The following CSMD2 variants were observed in gnomAD, a reference collection of about 807,000 sequenced individuals.
CSMD2 encodes CUB and Sushi multiple domains 2.
In CSMD2, 130 loss-of-function variants were observed where a neutral mutation model predicts 398.5. That is an observed-to-expected ratio of 0.33 (90% CI 0.28 to 0.38). CSMD2 has a LOEUF of 0.38. Ranked by LOEUF, CSMD2 falls within the 10% of genes least tolerant of loss-of-function variation. CSMD2 has a pLI of 1.00. For synonymous variants in CSMD2, 1,828 were observed against 1,908.5 expected, an observed-to-expected ratio of 0.96 and a Z score of 1.10; for missense variants, 3,829 against 4,764.9, an observed-to-expected ratio of 0.80 and a Z score of 5.78.
chr1:33,725,368 G>A lies in CSMD2; in HGVS notation c.2676C>T (p.Gly892=). ...ACTCACTCTCATAGCGGAGCTGGAA[G>A]CCGATGTCCGAGTGACTCTTGTCGG... ...FSTDKSHSDI[G]FQLRYETITL... The change falls in exon 17 of 71, where the codon GGC becomes GGT. Residue 892 remains glycine (G), a synonymous_variant. Transcript: ENST00000373381. 6.2e-7 allele frequency: 1 copy of A among 1,614,014 alleles called. No individual in the cohort carries two copies. Among genetic ancestry groups the A allele is most frequent in the Non-Finnish European group, 8.5e-7 (1 of 1,179,894 alleles).
intron 3 of CSMD2, among the ~76,000 whole-genome samples, chr1:33,986,773 G>A (rs1248103507): frequency 6.6e-6 from 1 of 152,192 alleles, no homozygotes. Flanking sequence ...GCGTAACTCA[G>A]GGCACTGGGC....
At chr1:34,024,316 C>T (rs1270207206) in intron 3 of CSMD2, among the ~76,000 whole-genome samples, 1 of 152,246 alleles carries the variant, frequency 6.6e-6, no homozygotes, top group Non-Finnish European at 1.5e-5. Context: ...TATCTGCAAG[C>T]AGGCAGCTGC....
intron 5 of CSMD2, among the ~76,000 whole-genome samples, chr1:33,865,260 G>C (rs957271846): frequency 1.6e-4 from 25 of 151,802 alleles, no homozygotes; most frequent in African/African-American, 6.1e-4. Flanking sequence ...TGAGGCCCCA[G>C]GAGAAACATA....
chr1:33,678,318 A>G (rs890975694), intron 25 of CSMD2, among the ~76,000 whole-genome samples: 2 of 151,714 alleles, frequency 1.3e-5, no homozygotes, highest in African/African-American at 2.4e-5. Flanking sequence ...TAAATTAAAA[A>G]AAAAAAAAAA....
intron 4 of CSMD2, among the ~76,000 whole-genome samples, chr1:33,924,580 G>A (rs1644060231): frequency 6.6e-6 from 1 of 152,064 alleles, no homozygotes; most frequent in Admixed American, 6.5e-5. Context: ...TTGATCATAT[G>A]GTAGTTCTAT....
chr1:33,600,986 T>C lies in CSMD2; in HGVS notation c.6735A>G (p.Pro2245=), dbSNP rs1640177447. ...TGCTCCGGGTGAAGACGCCGAGCCGTGGTGCTGTTTGCTGTGGCCCATCCC... is the reference window on the plus strand; with the variant it reads ...TGCTCCGGGTGAAGACGCCGAGCCGCGGTGCTGTTTGCTGTGGCCCATCCC... The part of the protein sequence containing the change: ...TIWDGPQQTA[P]RLGVFTRSMA... Residue 2245 remains proline, a synonymous_variant, in exon 44 of 71, where the codon CCA becomes CCG. Transcript: ENST00000373381. 1 of 1,614,140 alleles carries C rather than the reference T, an allele frequency of 6.2e-7. No homozygotes were observed.
At chr1:33,782,879 T>G (rs921167149) in intron 12 of CSMD2, among the ~76,000 whole-genome samples, 3 of 149,382 alleles carry the variant, frequency 2.0e-5, no homozygotes, top group Admixed American at 1.3e-4. Context: ...GAAGTTGTCA[T>G]TTTTTTTTTA....
At chr1:33,539,432 TAAAG>T in intron 60 of CSMD2, among the ~76,000 whole-genome samples, 1 of 152,314 alleles carries the variant, frequency 6.6e-6, no homozygotes, top group African/African-American at 2.4e-5. Context: ...TAAATATTGA[TAAAG>T]AAAGGTAGAA....
chr1:33,747,938 G>T (rs1647613919), intron 13 of CSMD2, among the ~76,000 whole-genome samples: 2 of 152,274 alleles, frequency 1.3e-5, no homozygotes, highest in Admixed American at 1.3e-4. Flanking sequence ...AACAAAAAAG[G>T]AATTTTAATA....
intron 2 of CSMD2, among the ~76,000 whole-genome samples, chr1:34,050,295 A>G (rs1180036486): frequency 6.6e-6 from 1 of 152,236 alleles, no homozygotes; most frequent in Non-Finnish European, 1.5e-5. Flanking sequence ...TTACTGAAAC[A>G]GACACTTATT....
chr1:33,818,392 C>A (rs548221299), intron 9 of CSMD2, among the ~76,000 whole-genome samples: 1 of 152,308 alleles, frequency 6.6e-6, no homozygotes, highest in African/African-American at 2.4e-5. Flanking sequence ...TCATGTTCTA[C>A]TGGCATGAGG....
chr1:34,103,577 G>A (rs558693886), intron 1 of CSMD2, among the ~76,000 whole-genome samples: 1 of 152,254 alleles, frequency 6.6e-6, no homozygotes, highest in South Asian at 2.1e-4. Context: ...TTACAGGTGT[G>A]AGCCACTGCG....
intron 49 of CSMD2, 23 bp downstream of exon 49, chr1:33,577,273 C>G: frequency 6.3e-7 from 1 of 1,578,902 alleles, no homozygotes; most frequent in East Asian, 2.3e-5. Context: ...TACCTTGTGA[C>G]CCCCTTTCCA....
chr1:33,929,677 C>G (rs1644250330), intron 4 of CSMD2, among the ~76,000 whole-genome samples: 2 of 152,064 alleles, frequency 1.3e-5, no homozygotes, highest in Admixed American at 1.3e-4. Flanking sequence ...ATCTCGCGAT[C>G]TGCCCGCTTC....
intron 1 of CSMD2, among the ~76,000 whole-genome samples, chr1:34,143,563 C>T (rs1344614875): frequency 6.6e-6 from 1 of 152,160 alleles, no homozygotes; most frequent in Non-Finnish European, 1.5e-5. Flanking sequence ...AGACTGAAAG[C>T]TTAGGGGGAT....
Position 33,605,485 on chromosome 1 carries a change from G to A in CSMD2, c.6344-15C>T. 6.2e-7 allele frequency: 1 copy of A among 1,613,634 alleles called. No individual in the cohort carries two copies. The highest frequency in any genetic ancestry group is 8.5e-7 in the Non-Finnish European group (1 of 1,179,626). Reference sequence around the variant, plus strand: ...AAGTTCATAGGCTGGAAAAGATCCGGAGAAAAGGTCACTTTATTCTCTCTG... The same window carrying A: ...AAGTTCATAGGCTGGAAAAGATCCGAAGAAAAGGTCACTTTATTCTCTCTG... On this transcript the variant is annotated splice_polypyrimidine_tract_variant and intron_variant, in intron 41 of 70. Coordinates refer to ENST00000373381, the MANE Select transcript of CSMD2 (RefSeq NM_001281956.2).
intron 9 of CSMD2, chr1:33,813,127 T>G (rs1486350957): frequency 6.6e-6 from 1 of 152,210 alleles, no homozygotes; most frequent in Non-Finnish European, 1.5e-5. Flanking sequence ...TCAGAATCAA[T>G]TTATCTTGTA....
Position 33,646,638 on chromosome 1 carries a change from G to A in CSMD2, c.4774+10C>T, listed in dbSNP as rs756146471. 53 of 1,612,666 alleles carry A rather than the reference G, an allele frequency of 3.3e-5. No homozygotes were observed. Among genetic ancestry groups the A allele is most frequent in the Non-Finnish European group, 4.1e-5 (48 of 1,179,842 alleles). On this transcript the variant is annotated intron_variant, in intron 29 of 70. Coordinates refer to ENST00000373381, the MANE Select transcript of CSMD2 (RefSeq NM_001281956.2). ...CTGTCCTCAGTACTCTCTGGCACCA[G>A]GGCCCTTACCTGTATAGTCAATGAC...
intron 57 of CSMD2, among the ~76,000 whole-genome samples, chr1:33,545,020 T>C (rs962369500): frequency 1.3e-5 from 2 of 152,144 alleles, no homozygotes; most frequent in Non-Finnish European, 1.5e-5. Flanking sequence ...CCATGCTGAC[T>C]GCTCTCACTT....
Sources: gnomAD v4.1 joint callset for allele counts (sites outside exome capture counted in the v4.1 genomes callset) on GRCh38, gnomAD v4.1.1 for gene constraint, MANE v1.5 for transcripts, NCBI Gene and HGNC (gene_info 2026-07-23, HGNC 2026-07-21) for gene names.